The following IPCEF1 variants were observed in gnomAD, a reference collection of about 807,000 sequenced individuals.
IPCEF1 encodes the protein interactor protein for cytohesin exchange factors 1.
A neutral mutation model predicts 50.9 loss-of-function variants in IPCEF1; 31 were observed. That is an observed-to-expected ratio of 0.61 (90% CI 0.46 to 0.82). The LOEUF is 0.82. Ranked by LOEUF, IPCEF1 falls within the 40% of genes least tolerant of loss-of-function variation. The pLI, the probability that IPCEF1 is intolerant of heterozygous loss-of-function variation, is 0.00. For synonymous variants in IPCEF1, 181 were observed against 192.0 expected (o/e 0.94, Z 0.47); for missense variants, 458 against 514.0 (o/e 0.89, Z 1.05).
intron 1 of IPCEF1, among the ~76,000 whole-genome samples, chr6:154,341,904 C>T (rs954039198): frequency 1.3e-5 from 2 of 152,254 alleles, no homozygotes; most frequent in Non-Finnish European, 1.5e-5. Context: ...GCTGCCTGAG[C>T]TTCAGCTGCT....
chr6:154,287,670 G>A (rs1461192519), intron 2 of IPCEF1, among the ~76,000 whole-genome samples: 6 of 152,008 alleles, frequency 3.9e-5, no homozygotes, highest in African/African-American at 9.7e-5. Flanking sequence ...AAAGTTCATC[G>A]AATTCAGTCT....
intron 11 of IPCEF1, among the ~76,000 whole-genome samples, chr6:154,164,300 T>C (rs1799253405): frequency 6.6e-6 from 1 of 152,234 alleles, no homozygotes; most frequent in South Asian, 2.1e-4. Context: ...AAGCTGACAC[T>C]TCTCATATGG....
chr6:154,278,692 G>T lies in IPCEF1; in HGVS notation c.-18+11021C>A, dbSNP rs1266279679. ...ATTCTCATTATCACTTAACAACATT[G>T]TCTCAAAAGTACTGGAAAACAATGG... On this transcript the variant is annotated intron_variant, in intron 2 of 11. Transcript: ENST00000367220. Among the ~76,000 whole-genome samples, 5 of 151,824 alleles carry T rather than the reference G, an allele frequency of 3.3e-5. No individual in the cohort carries two copies. In the South Asian group the frequency reaches 8.3e-4, roughly 25 times the overall value.
intron 2 of IPCEF1, among the ~76,000 whole-genome samples, chr6:154,285,785 C>A (rs948397361): frequency 6.6e-6 from 1 of 151,980 alleles, no homozygotes; most frequent in African/African-American, 2.4e-5. Flanking sequence ...GGCAAGAAAC[C>A]CTTGGAGTCT....
chr6:154,186,069 T>C (rs1214739865), intron 10 of IPCEF1, among the ~76,000 whole-genome samples: 2 of 152,190 alleles, frequency 1.3e-5, no homozygotes, highest in Non-Finnish European at 2.9e-5. Flanking sequence ...GTGTTCTCTC[T>C]CCCCAGGTGA....
At chr6:154,298,970 A>G (rs1375189704) in intron 1 of IPCEF1, among the ~76,000 whole-genome samples, 1 of 131,620 alleles carries the variant, frequency 7.6e-6, no homozygotes, top group Non-Finnish European at 1.7e-5. Context: ...CTCAAAAAAA[A>G]AAAAAAGATT....
chr6:154,227,627 A>G (rs1779363103), intron 5 of IPCEF1, among the ~76,000 whole-genome samples: 1 of 152,100 alleles, frequency 6.6e-6, no homozygotes, highest in South Asian at 2.1e-4. Context: ...CTGAGGTGGG[A>G]GAATCACCTG....
At chr6:154,233,043 A>G (rs1045597197) in intron 5 of IPCEF1, among the ~76,000 whole-genome samples, 18 of 146,502 alleles carry the variant, frequency 1.2e-4, no homozygotes, top group African/African-American at 4.6e-4. Context: ...ATCTCATCTC[A>G]CTGCAACCTC....
chr6:154,297,479 C>T (rs1231284260), intron 1 of IPCEF1, among the ~76,000 whole-genome samples: 1 of 152,218 alleles, frequency 6.6e-6, no homozygotes, highest in African/African-American at 2.4e-5. Context: ...ACATTCAGGG[C>T]TCATGGTCAC....
At chr6:154,184,104 G>T (rs1801132474) in intron 10 of IPCEF1, among the ~76,000 whole-genome samples, 1 of 151,810 alleles carries the variant, frequency 6.6e-6, no homozygotes, top group Non-Finnish European at 1.5e-5. Context: ...CTTTATTTAA[G>T]AGAAAGTTTT....
chr6:154,252,261 A>G (rs915026246), intron 3 of IPCEF1, among the ~76,000 whole-genome samples: 5 of 152,224 alleles, frequency 3.3e-5, no homozygotes, highest in African/African-American at 1.2e-4. Flanking sequence ...GGACTGTGCC[A>G]TTAACAGCCA....
chr6:154,316,909 A>C (rs1783233999), intron 1 of IPCEF1, among the ~76,000 whole-genome samples: 1 of 152,216 alleles, frequency 6.6e-6, no homozygotes, highest in Non-Finnish European at 1.5e-5. Context: ...AGTTAATTGG[A>C]ATAATAATAA....
chr6:154,244,301 G>GTGTGTGT lies in IPCEF1; in HGVS notation c.246+2289_246+2290insACACACA, dbSNP rs1554298352. On this transcript the variant is annotated intron_variant, in intron 5 of 11. Transcript: ENST00000367220. The stretch of plus-strand genomic sequence containing the variant: ...TTAAGATTCGGTGTGTGTGTGGGTG[G>GTGTGTGT]GTGTGTGTGTGTGTGTGTGTGTGTG... Among the ~76,000 whole-genome samples the GTGTGTGT allele has an allele frequency of 5.5e-4, 81 of 148,060 alleles. 1 individual carries two copies. The highest frequency in any genetic ancestry group is 1.8e-3 in the African/African-American group (73 of 40,190).
intron 1 of IPCEF1, among the ~76,000 whole-genome samples, chr6:154,307,195 T>G (rs1184757129): frequency 6.6e-6 from 1 of 152,144 alleles, no homozygotes; most frequent in Non-Finnish European, 1.5e-5. Flanking sequence ...ATAATTCCCA[T>G]GTGTTGTGGG....
intron 3 of IPCEF1, among the ~76,000 whole-genome samples, chr6:154,265,426 G>A (rs764396797): frequency 4.6e-5 from 7 of 151,188 alleles, no homozygotes; most frequent in South Asian, 4.2e-4. Flanking sequence ...GATTACAGGC[G>A]CACACCACCA....
intron 2 of IPCEF1, among the ~76,000 whole-genome samples, chr6:154,277,394 C>T (rs1220699365): frequency 2.6e-5 from 4 of 152,264 alleles, no homozygotes; most frequent in East Asian, 1.9e-4. Flanking sequence ...AAGCGAATGC[C>T]GTCAAGAATA....
At chr6:154,223,420 A>G (rs1390663716) in intron 5 of IPCEF1, among the ~76,000 whole-genome samples, 177 bp from the exon 6 acceptor site, 2 of 152,220 alleles carry the variant, frequency 1.3e-5, no homozygotes, top group Non-Finnish European at 2.9e-5. Flanking sequence ...AGAAAGATTA[A>G]TGTTCTCCTG....
rs773636332 is a variant in IPCEF1, at chr6:154,212,737, G to C, written c.537+33C>G. Reference sequence around the variant, plus strand: ...AGAAATGACATCCACATGTCTGATCGATGACCAACAGACTACTTATGTCGG... The same window carrying C: ...AGAAATGACATCCACATGTCTGATCCATGACCAACAGACTACTTATGTCGG... On this transcript the variant is annotated intron_variant, in intron 9 of 11. Transcript: ENST00000367220. 13 of 1,414,952 alleles carry C rather than the reference G, an allele frequency of 9.2e-6. No individual in the cohort carries two copies. The Admixed American group carries it at 1.9e-4, about 20-fold the overall frequency. The allele number at this position is 1,414,952 out of a possible 1,614,324, so 87.6% of individuals were successfully genotyped here.
intron 2 of IPCEF1, among the ~76,000 whole-genome samples, chr6:154,288,971 TG>T (rs1782444912): frequency 6.6e-6 from 1 of 151,828 alleles, no homozygotes; most frequent in African/African-American, 2.4e-5. Context: ...CACCTGAGCC[TG>T]GGAGGTCAAG....
Sources: gnomAD v4.1 joint callset for allele counts (sites outside exome capture counted in the v4.1 genomes callset) on GRCh38, gnomAD v4.1.1 for gene constraint, MANE v1.5 for transcripts, NCBI Gene and HGNC (gene_info 2026-07-23, HGNC 2026-07-21) for gene names.